ANKS1B: variants seen among roughly 807,000 people sequenced by gnomAD.
The protein encoded by ANKS1B is ankyrin repeat and sterile alpha motif domain-containing protein 1B.
ANKS1B carries 36 observed loss-of-function variants against 148.3 expected under a neutral mutation model. The ratio of observed to expected loss-of-function variants is 0.24; its 90% CI spans 0.19 to 0.32. The LOEUF (loss-of-function observed/expected upper bound fraction) is 0.32. ANKS1B is among the 10% of genes least tolerant of loss of function. The pLI, the probability that ANKS1B is intolerant of heterozygous loss-of-function variation, is 1.00. For synonymous variants in ANKS1B, 542 were observed against 560.8 expected, an observed-to-expected ratio of 0.97 and a Z score of 0.47; for missense variants, 1,157 against 1,542.6, an observed-to-expected ratio of 0.75 and a Z score of 4.19.
chr12:99,625,573 A>T lies in ANKS1B; in HGVS notation c.1272+29494T>A, dbSNP rs534506576. Among the ~76,000 whole-genome samples the T allele has an allele frequency of 3.3e-5, 5 of 152,268 alleles. No homozygotes were observed. The South Asian group carries it at 1.0e-3, about 32-fold the overall frequency. On this transcript the variant is annotated intron_variant, in intron 9 of 26. Transcript: ENST00000683438. ...ATAAATAAACATTAAAGGAATAGCA[A>T]CTGAAGAAAGACAGTGATAAGAATA...
chr12:99,682,973 G>A (rs186832050), intron 8 of ANKS1B, among the ~76,000 whole-genome samples: 126 of 152,202 alleles, frequency 8.3e-4, no homozygotes, highest in Middle Eastern at 3.4e-3. Context: ...TCTGACTGGG[G>A]AGGCCTAACA....
Position 99,247,837 on chromosome 12 carries a change from G to T in ANKS1B, c.1757-973C>A, listed in dbSNP as rs1026740587. On this transcript the variant is annotated intron_variant, in intron 12 of 26. Coordinates refer to ENST00000683438, the MANE Select transcript of ANKS1B (RefSeq NM_001352186.2). ...ATCAATAGCTAAATATTGCCAAGAT[G>T]AAAATTTAAATTACCTGATAAGCCC... 5.9e-5 allele frequency among the ~76,000 whole-genome samples: 9 copies of T among 152,148 alleles called. No individual in the cohort carries two copies. The East Asian group carries it at 1.4e-3, about 23-fold the overall frequency.
chr12:99,594,985 C>T (rs1040045699), intron 9 of ANKS1B, among the ~76,000 whole-genome samples: 2 of 151,974 alleles, frequency 1.3e-5, no homozygotes, highest in Admixed American at 1.3e-4. Flanking sequence ...GGTCAAGTGA[C>T]TTTAAGTAAA....
chr12:99,308,956 C>CAT (rs1204389138), intron 12 of ANKS1B, among the ~76,000 whole-genome samples: 2 of 149,534 alleles, frequency 1.3e-5, no homozygotes, highest in Non-Finnish European at 3.0e-5. Flanking sequence ...CTATATATAA[C>CAT]ATATATATAA....
intron 12 of ANKS1B, among the ~76,000 whole-genome samples, chr12:99,375,414 C>G (rs11615348): frequency 1.3e-5 from 2 of 152,034 alleles, no homozygotes; most frequent in Admixed American, 6.6e-5. Context: ...CCCTTTCTTA[C>G]GTTGATTTGG....
At chr12:98,811,522 T>C (rs1248195762) in intron 19 of ANKS1B, among the ~76,000 whole-genome samples, 1 of 152,192 alleles carries the variant, frequency 6.6e-6, no homozygotes, top group Non-Finnish European at 1.5e-5. Flanking sequence ...AAGGCCAGTT[T>C]TCCCTCCTGC....
At chr12:99,628,548 C>T (rs1435327470) in intron 9 of ANKS1B, among the ~76,000 whole-genome samples, 1 of 152,150 alleles carries the variant, frequency 6.6e-6, no homozygotes, top group African/African-American at 2.4e-5. Context: ...CAGGATAAAA[C>T]ATTTTCTCAT....
chr12:99,501,150 A>G (rs2096651650), intron 10 of ANKS1B, among the ~76,000 whole-genome samples: 1 of 152,036 alleles, frequency 6.6e-6, no homozygotes. Context: ...CCCAAAAAAT[A>G]TCTTCAGGCT....
chr12:99,568,645 A>G (rs1346516464), intron 9 of ANKS1B, among the ~76,000 whole-genome samples: 2 of 152,230 alleles, frequency 1.3e-5, no homozygotes, highest in Non-Finnish European at 2.9e-5. Flanking sequence ...ATATTCTCTG[A>G]CAAAATCAAC....
intron 12 of ANKS1B, among the ~76,000 whole-genome samples, chr12:99,352,502 C>G (rs546288957): frequency 5.3e-5 from 8 of 152,142 alleles, no homozygotes; most frequent in Admixed American, 2.0e-4. Flanking sequence ...GGCATAACTA[C>G]CTCACTGCAG....
chr12:99,034,269 G>A (rs2099954128), intron 17 of ANKS1B, among the ~76,000 whole-genome samples: 1 of 152,180 alleles, frequency 6.6e-6, no homozygotes, highest in Non-Finnish European at 1.5e-5. Context: ...AGAGCTTGGA[G>A]GCTATAGTTG....
chr12:99,960,187 A>G lies in ANKS1B; in HGVS notation c.134+23917T>C, dbSNP rs147263270. Among the ~76,000 whole-genome samples, 17 of 152,314 alleles carry G rather than the reference A, an allele frequency of 1.1e-4. 1 individual carries two copies. In the East Asian group the frequency reaches 2.7e-3, roughly 24 times the overall value. On this transcript the variant is annotated intron_variant, in intron 1 of 26. Transcript: ENST00000683438. ...TAATGTTTCAAAGACGTAGATTAAA[A>G]CCACAAGTTCATCTATATAAAAAGC...
intron 14 of ANKS1B, among the ~76,000 whole-genome samples, chr12:99,162,809 C>T (rs2076800466): frequency 6.6e-6 from 1 of 152,184 alleles, no homozygotes; most frequent in African/African-American, 2.4e-5. Context: ...CGCCTAATCT[C>T]AGCACTCTGG....
chr12:98,846,043 TTTTGTTCTTTCCTGCCTAAGGGTG>T (rs2099464385), intron 17 of ANKS1B, among the ~76,000 whole-genome samples: 1 of 151,812 alleles, frequency 6.6e-6, no homozygotes, highest in Non-Finnish European at 1.5e-5. Context: ...TATATGTATA[TTTTGTTCTTTCCTGCCTAAGGGTG>T]GTTTATTGAC....
At chr12:98,841,223 A>G (rs1324958300) in intron 17 of ANKS1B, among the ~76,000 whole-genome samples, 1 of 152,170 alleles carries the variant, frequency 6.6e-6, no homozygotes, top group East Asian at 1.9e-4. Context: ...ATGGTTACCG[A>G]AATTCATTAA....
At chr12:98,965,362 A>G (rs1313458744) in intron 17 of ANKS1B, among the ~76,000 whole-genome samples, 1 of 152,228 alleles carries the variant, frequency 6.6e-6, no homozygotes, top group African/African-American at 2.4e-5. Flanking sequence ...GAGGCAATGT[A>G]TATAAAGCAT....
intron 1 of ANKS1B, among the ~76,000 whole-genome samples, chr12:99,862,700 A>G (rs2090191455): frequency 6.6e-6 from 1 of 152,212 alleles, no homozygotes; most frequent in South Asian, 2.1e-4. Context: ...AAATTATTAT[A>G]ATGTATTGTT....
At chr12:99,672,832 T>C (rs1191708139) in intron 8 of ANKS1B, among the ~76,000 whole-genome samples, 2 of 152,138 alleles carry the variant, frequency 1.3e-5, no homozygotes, top group Non-Finnish European at 2.9e-5. Flanking sequence ...TTAAACTTTC[T>C]TGGGAAACTT....
chr12:98,903,520 A>G (rs920415436), intron 17 of ANKS1B, among the ~76,000 whole-genome samples: 1 of 152,218 alleles, frequency 6.6e-6, no homozygotes, highest in African/African-American at 2.4e-5. Context: ...GGAGCTGCCA[A>G]GGGCCATCTT....
Sources: allele counts gnomAD v4.1 joint callset (sites outside exome capture counted in the v4.1 genomes callset), GRCh38; gene constraint gnomAD v4.1.1; transcripts MANE v1.5; gene names NCBI Gene and HGNC (gene_info 2026-07-23, HGNC 2026-07-21).